TESMIN: variants seen among roughly 807,000 people sequenced by gnomAD.
The protein encoded by TESMIN is CXC domain containing 2.
In TESMIN, 34 loss-of-function variants were observed where a neutral mutation model predicts 47.4. That is an observed-to-expected ratio of 0.72 (90% CI 0.55 to 0.96). The LOEUF (loss-of-function observed/expected upper bound fraction) is 0.96, where lower values mean the gene tolerates loss of function less well. TESMIN is among the 40% of genes least tolerant of loss of function. The pLI is 0.00. For synonymous variants in TESMIN, 278 were observed against 258.9 expected (o/e 1.07, Z -0.71); for missense variants, 610 against 637.2 (o/e 0.96, Z 0.46).
intron 8 of TESMIN, 137 bp from the exon 9 acceptor site, chr11:68,711,186 G>A (rs1594283652): frequency 1.3e-6 from 1 of 751,920 alleles, no homozygotes; most frequent in Admixed American, 2.8e-5. Context: ...TGTGTGTGTT[G>A]AGTGTGAATG....
chr11:68,721,963 A>G (rs1946208681), intron 6 of TESMIN, among the ~76,000 whole-genome samples: 5 of 152,202 alleles, frequency 3.3e-5, no homozygotes, highest in Admixed American at 2.6e-4. Context: ...CAGCAATTCC[A>G]CTTCTGGGTA....
chr11:68,715,897 G>A lies in TESMIN; in HGVS notation c.960C>T (p.Cys320=), dbSNP rs1946131969. The A allele has an allele frequency of 6.2e-7, 1 of 1,613,484 alleles. No individual in the cohort carries two copies. The highest frequency in any genetic ancestry group is 1.3e-5 in the African/African-American group (1 of 74,908). Residue 320 remains cysteine, a synonymous_variant, in exon 7 of 10, where the codon TGC becomes TGT. Coordinates refer to ENST00000255087, the MANE Select transcript of TESMIN (RefSeq NM_004923.3). The part of the protein sequence containing the change: ...CFASGDFCNN[C]NCNNCCNNLH... ...AGTTGTTGCAACAATTATTACAATTGCAGTTGTTGCAAAAGTCCCCACTGG... is the reference window on the plus strand; with the variant it reads ...AGTTGTTGCAACAATTATTACAATTACAGTTGTTGCAAAAGTCCCCACTGG...
chr11:68,746,954 T>C (rs764127438), intron 3 of TESMIN, among the ~76,000 whole-genome samples: 2 of 152,166 alleles, frequency 1.3e-5, no homozygotes, highest in Non-Finnish European at 1.5e-5. Context: ...CTGATGTGAT[T>C]TGTGCTTGCT....
At chr11:68,718,846 C>T (rs900314411) in intron 6 of TESMIN, among the ~76,000 whole-genome samples, 1 of 152,200 alleles carries the variant, frequency 6.6e-6, no homozygotes, top group African/African-American at 2.4e-5. Context: ...AAAGAAAAAC[C>T]ATTTCCAACC....
At chr11:68,725,688 G>C (rs1946254052) in intron 6 of TESMIN, among the ~76,000 whole-genome samples, 1 of 151,940 alleles carries the variant, frequency 6.6e-6, no homozygotes. Flanking sequence ...GTCCAGGCTG[G>C]TCTCGAACTC....
intron 6 of TESMIN, chr11:68,737,366 A>T: frequency 2.0e-6 from 2 of 985,546 alleles, no homozygotes; most frequent in South Asian, 9.4e-5. Flanking sequence ...AGCGGTGCCC[A>T]GGAGCAACCA....
intron 4 of TESMIN, 59 bp downstream of exon 4, chr11:68,744,932 C>T: frequency 7.1e-6 from 10 of 1,413,702 alleles, no homozygotes; most frequent in Non-Finnish European, 9.5e-6. Context: ...CAAAGCCAAA[C>T]ATATTCATTT....
Position 68,715,886 on chromosome 11 carries a change from T to C in TESMIN, c.971A>G (p.Asn324Ser). The C allele has an allele frequency of 1.2e-6, 2 of 1,613,652 alleles. No individual in the cohort carries two copies. Among genetic ancestry groups the C allele is most frequent in the Non-Finnish European group, 1.7e-6 (2 of 1,179,582 alleles). ...GDFCNNCNCN[N>S]CCNNLHHDIE... ...ATCATGATGCAAGTTGTTGCAACAATTATTACAATTGCAGTTGTTGCAAAA... is the reference window on the plus strand; with the variant it reads ...ATCATGATGCAAGTTGTTGCAACAACTATTACAATTGCAGTTGTTGCAAAA... The change falls in exon 7 of 10, where the codon AAT (asparagine) becomes AGT (serine). Residue 324 changes from asparagine (N) to serine (S), a missense_variant. By Grantham distance (46) the Asn-to-Ser change is conservative (BLOSUM62 1). Transcript: ENST00000255087.
intron 6 of TESMIN, 39 bp from the exon 7 acceptor site, chr11:68,715,978 G>T: frequency 7.5e-7 from 1 of 1,332,818 alleles, no homozygotes; most frequent in Non-Finnish European, 1.1e-6. Flanking sequence ...AGGCACAGAC[G>T]GCACAGTGAG....
At position 68,708,606 on chromosome 11, in the gene TESMIN, C is replaced by T. The variant is rs561877053; in HGVS notation, c.1335-106G>A. The T allele has an allele frequency of 1.9e-5, 20 of 1,044,382 alleles. No homozygotes were observed. The African/African-American group carries it at 1.9e-4, about 10-fold the overall frequency. 64.7% of individuals were successfully genotyped at this position (1,044,382 alleles called of 1,614,324 possible). Reference sequence around the variant, plus strand: ...TGCTTGTCCATGCTATTTTAAAGAACATCATCCACTAAAATCTAACGTTGT... The same window carrying T: ...TGCTTGTCCATGCTATTTTAAAGAATATCATCCACTAAAATCTAACGTTGT... On this transcript the variant is annotated intron_variant, in intron 9 of 9. Transcript: ENST00000255087.
chr11:68,722,186 T>C (rs527301752), intron 6 of TESMIN, among the ~76,000 whole-genome samples: 72 of 152,276 alleles, frequency 4.7e-4, no homozygotes, highest in African/African-American at 1.7e-3. Flanking sequence ...GGGACAGATA[T>C]TGTATGAGTC....
In TESMIN at chr11:68,715,911, AG is replaced by A; in HGVS notation, c.945del (p.Cys317AlafsTer62). ...TTATTACAATTGCAGTTGTTGCAAAAGTCCCCACTGGCAAAGCAGTCACAGT... is the reference window on the plus strand; with the variant it reads ...TTATTACAATTGCAGTTGTTGCAAAATCCCCACTGGCAAAGCAGTCACAGT... Reference protein sequence around the residue: ...AGYCDCFASGDFCNNCNCNNC... With the variant: ...AGYCDCFASGXFCNNCNCNNC... On this transcript the variant is annotated frameshift_variant, in exon 7 of 10. Coordinates refer to ENST00000255087, the MANE Select transcript of TESMIN (RefSeq NM_004923.3). LOFTEE classifies it high-confidence loss of function. 6.2e-7 allele frequency: 1 copy of A among 1,613,344 alleles called. No homozygotes were observed. The highest frequency in any genetic ancestry group is 8.5e-7 in the Non-Finnish European group (1 of 1,179,296).
At chr11:68,727,496 A>C (rs920056673) in intron 6 of TESMIN, among the ~76,000 whole-genome samples, 1 of 152,200 alleles carries the variant, frequency 6.6e-6, no homozygotes, top group African/African-American at 2.4e-5. Context: ...ATCTACACTC[A>C]TGGTATAAAA....
Position 68,738,704 on chromosome 11 carries a change from C to A in TESMIN, c.913G>T (p.Ala305Ser), listed in dbSNP as rs1311624459. ...TGTATTGCTTCTAATCCTTACCCAG[C>A]CAAAGTTATTTTTGGTGGTCCTGGA... Reference protein sequence around the residue: ...TLPGPPKITLAGYCDCFASGD... With the variant: ...TLPGPPKITLSGYCDCFASGD... The change falls in exon 6 of 10, where the codon GCT becomes TCT. Residue 305 changes from alanine to serine, a missense_variant. Ala to Ser is a moderately conservative substitution (Grantham distance 99). Coordinates refer to ENST00000255087, the MANE Select transcript of TESMIN (RefSeq NM_004923.3). The A allele has an allele frequency of 1.1e-5, 17 of 1,613,960 alleles. No homozygotes were observed. The highest frequency in any genetic ancestry group is 1.4e-5 in the Non-Finnish European group (16 of 1,179,908).
In TESMIN at chr11:68,750,278, A is replaced by G. The variant is rs1946574777; in HGVS notation, c.383T>C (p.Leu128Pro). 1 of 1,549,354 alleles carries G rather than the reference A, an allele frequency of 6.5e-7. No individual in the cohort carries two copies. Among genetic ancestry groups the G allele is most frequent in the Admixed American group, 1.9e-5 (1 of 51,300 alleles). Residue 128 changes from leucine to proline, a missense_variant, in exon 2 of 10, where the codon CTG (leucine) becomes CCG (proline). Coordinates refer to ENST00000255087, the MANE Select transcript of TESMIN (RefSeq NM_004923.3). ...PACNVHFLSSLLPAHRSPAVL... is the reference protein window; with the variant it reads ...PACNVHFLSSPLPAHRSPAVL... ...CGCCGGGCTGCGGTGCGCGGGTAGCAGCGAGGACAGGAAGTGCACGTTGCA... is the reference window on the plus strand; with the variant it reads ...CGCCGGGCTGCGGTGCGCGGGTAGCGGCGAGGACAGGAAGTGCACGTTGCA...
chr11:68,717,154 A>G (rs1946149617), intron 6 of TESMIN, among the ~76,000 whole-genome samples: 1 of 152,270 alleles, frequency 6.6e-6, no homozygotes, highest in Admixed American at 6.5e-5. Flanking sequence ...AATTCTTTTC[A>G]TAATTATTAT....
chr11:68,738,653 C>T, intron 6 of TESMIN, 47 bp downstream of exon 6: 1 of 1,609,796 alleles, frequency 6.2e-7, no homozygotes, highest in Non-Finnish European at 8.5e-7. Context: ...CCAAGAGTCT[C>T]TTAAATTATT....
intron 6 of TESMIN, among the ~76,000 whole-genome samples, chr11:68,725,585 T>C (rs1465752015): frequency 6.6e-6 from 1 of 152,132 alleles, no homozygotes; most frequent in African/African-American, 2.4e-5. Flanking sequence ...CACAGGCATA[T>C]TGAATCATGA....
intron 2 of TESMIN, among the ~76,000 whole-genome samples, 178 bp downstream of exon 2, chr11:68,750,012 G>T (rs1946569689): frequency 6.6e-6 from 1 of 152,190 alleles, no homozygotes; most frequent in Non-Finnish European, 1.5e-5. Flanking sequence ...ATGCATGTTG[G>T]ATTAGGAAGA....
Sources: gnomAD v4.1 joint callset for allele counts (sites outside exome capture counted in the v4.1 genomes callset) on GRCh38, gnomAD v4.1.1 for gene constraint, MANE v1.5 for transcripts, NCBI Gene and HGNC (gene_info 2026-07-23, HGNC 2026-07-21) for gene names.